The following LDLRAD4 variants were observed in gnomAD, a reference collection of about 807,000 sequenced individuals.
The protein encoded by LDLRAD4 is low-density lipoprotein receptor class A domain-containing protein 4.
LDLRAD4 carries 5 observed loss-of-function variants against 17.0 expected under a neutral mutation model. The observed-to-expected ratio is 0.29, with a 90% CI of 0.15 to 0.62. The LOEUF is 0.62. Among genes scored for constraint, LDLRAD4 ranks in the 20% least tolerant of loss-of-function variants. The pLI, the probability that LDLRAD4 is intolerant of heterozygous loss-of-function variation, is 0.84. For missense variants in LDLRAD4, 340 were observed against 424.7 expected (o/e 0.80, Z 1.75); for synonymous variants, 168 against 171.8 (o/e 0.98, Z 0.17).
chr18:13,614,172 G>C (rs1222562497), intron 3 of LDLRAD4: 1 of 152,220 alleles, frequency 6.6e-6, no homozygotes, highest in African/African-American at 2.4e-5. Flanking sequence ...TCTAAATGGG[G>C]AATGCCAACT....
chr18:13,477,820 C>T (rs1404488263), intron 3 of LDLRAD4, among the ~76,000 whole-genome samples: 1 of 152,162 alleles, frequency 6.6e-6, no homozygotes, highest in East Asian at 1.9e-4. Flanking sequence ...GACAGGCAGT[C>T]AAGGGCATCC....
chr18:13,261,776 C>G (rs2043828661), intron 1 of LDLRAD4, among the ~76,000 whole-genome samples: 1 of 152,036 alleles, frequency 6.6e-6, no homozygotes, highest in Non-Finnish European at 1.5e-5. Context: ...CGGCTGCAGG[C>G]AGCATGCCAC....
At chr18:13,522,471 T>C (rs959620413) in intron 3 of LDLRAD4, 7 of 152,080 alleles carry the variant, frequency 4.6e-5, no homozygotes, top group Non-Finnish European at 1.0e-4. Context: ...AGTCTGCATA[T>C]CTCGTATCTG....
intron 1 of LDLRAD4, among the ~76,000 whole-genome samples, chr18:13,288,043 T>C (rs188442582): frequency 6.6e-6 from 1 of 152,326 alleles, no homozygotes; most frequent in Admixed American, 6.5e-5. Context: ...AAGTGATCAC[T>C]CTATTCCGTG....
rs569203278 is a variant in LDLRAD4 at position 13,580,557 on chromosome 18, C to A, written c.182-40560C>A. ...CAGTTTGAATGGCAATGAGAACGTC[C>A]CACCTCAGCCATCTGCAGGACTCTG... On this transcript the variant is annotated intron_variant, in intron 3 of 5. Coordinates refer to ENST00000359446, the Ensembl canonical transcript of LDLRAD4. Among the ~76,000 whole-genome samples, 5 of 152,254 alleles carry A rather than the reference C, an allele frequency of 3.3e-5. No homozygotes were observed. In the East Asian group the frequency reaches 7.7e-4, roughly 24 times the overall value.
At chr18:13,509,847 G>A (rs7234676) in intron 3 of LDLRAD4, among the ~76,000 whole-genome samples, 57,399 of 152,046 alleles carry the variant, frequency 0.38, 11,903 homozygotes, top group Middle Eastern at 0.56. Context: ...TTCAGCAGCC[G>A]TCAACATTGA....
intron 3 of LDLRAD4, among the ~76,000 whole-genome samples, chr18:13,461,901 T>A (rs1206389930): frequency 6.6e-6 from 1 of 152,218 alleles, no homozygotes; most frequent in Non-Finnish European, 1.5e-5. Context: ...ATTTTTCATC[T>A]GCCACACAGA....
chr18:13,321,250 C>A (rs74741533), intron 1 of LDLRAD4, among the ~76,000 whole-genome samples: 1 of 152,214 alleles, frequency 6.6e-6, no homozygotes, highest in South Asian at 2.1e-4. Flanking sequence ...CCCCCAGAGG[C>A]CTATGCGCGG....
At chr18:13,223,214 A>G (rs1175249529) in intron 1 of LDLRAD4, among the ~76,000 whole-genome samples, 2 of 152,082 alleles carry the variant, frequency 1.3e-5, no homozygotes, top group Non-Finnish European at 2.9e-5. Flanking sequence ...GCGTTAAGGT[A>G]GGGAAGGGGG....
intron 1 of LDLRAD4, chr18:13,279,494 T>G (rs11080641): frequency 6.6e-6 from 1 of 152,224 alleles, no homozygotes; most frequent in East Asian, 1.9e-4. Flanking sequence ...TGTCTTCAAG[T>G]AGAATTTTAC....
chr18:13,421,793 A>G (rs905165098), intron 2 of LDLRAD4, among the ~76,000 whole-genome samples: 1 of 152,210 alleles, frequency 6.6e-6, no homozygotes, highest in Non-Finnish European at 1.5e-5. Context: ...GTATTCCTAC[A>G]AACTGGGTCC....
At chr18:13,434,248 G>GTTTTTTTTT in intron 2 of LDLRAD4, among the ~76,000 whole-genome samples, 1 of 147,262 alleles carries the variant, frequency 6.8e-6, no homozygotes. Flanking sequence ...TTTCTCCTAA[G>GTTTTTTTTT]TTTTTTTTTT....
intron 1 of LDLRAD4, among the ~76,000 whole-genome samples, chr18:13,220,071 T>C (rs1280632055): frequency 2.0e-5 from 3 of 152,238 alleles, no homozygotes; most frequent in Non-Finnish European, 2.9e-5. Context: ...TGAATTATAT[T>C]TGGTTTCCCA....
chr18:13,430,475 A>G (rs2090257294), intron 2 of LDLRAD4, among the ~76,000 whole-genome samples: 1 of 151,928 alleles, frequency 6.6e-6, no homozygotes, highest in African/African-American at 2.4e-5. Flanking sequence ...AGCAAGGCAT[A>G]CAAGGCTCTT....
intron 3 of LDLRAD4, among the ~76,000 whole-genome samples, chr18:13,482,243 T>C (rs1266063934): frequency 1.3e-5 from 2 of 152,108 alleles, no homozygotes; most frequent in Admixed American, 1.3e-4. Context: ...GACGGTTGCC[T>C]CTGAACCCGC....
At position 13,228,393 on chromosome 18, in the gene LDLRAD4, T is replaced by G. The variant is rs148435228; in HGVS notation, c.-467+9405T>G. ...ATTGACCCAGAGGGCTTTGGGTGCC[T>G]GACAAATCCACCTTGTGTTTGTTAC... On this transcript the variant is annotated intron_variant, in intron 1 of 5. Transcript: ENST00000399848. Among the ~76,000 whole-genome samples, 462 of 152,242 alleles carry G rather than the reference T, an allele frequency of 3.0e-3. 3 individuals carry two copies. The highest frequency in any genetic ancestry group is 0.01 in the African/African-American group (434 of 41,538).
intron 3 of LDLRAD4, among the ~76,000 whole-genome samples, chr18:13,570,176 A>G (rs1046274926): frequency 4.6e-5 from 7 of 152,182 alleles, no homozygotes; most frequent in Admixed American, 2.0e-4. Context: ...TTGCTCCCTA[A>G]CACTTGTGAG....
rs183703670 is a variant in LDLRAD4, at chr18:13,371,405, C to T, written c.-382-15936C>T. On this transcript the variant is annotated intron_variant, in intron 1 of 5. Transcript: ENST00000359446. ...CCCTTGCCGCCGCGTTGCTGTGAAC[C>T]GTTGTACTCCCTAGCATAAACCCTG... Among the ~76,000 whole-genome samples, 16 of 152,298 alleles carry T rather than the reference C, an allele frequency of 1.1e-4. No homozygotes were observed. In the East Asian group the frequency reaches 2.9e-3, roughly 28 times the overall value.
upstream of LDLRAD4, among the ~76,000 whole-genome samples, chr18:13,276,128 C>A (rs1048512448): frequency 6.6e-6 from 1 of 152,108 alleles, no homozygotes; most frequent in Admixed American, 6.5e-5. Flanking sequence ...CATGCCTCAG[C>A]CTCCCGAGTA....
Sources: gnomAD v4.1 joint callset for allele counts (sites outside exome capture counted in the v4.1 genomes callset) on GRCh38, gnomAD v4.1.1 for gene constraint, MANE v1.5 for transcripts, NCBI Gene and HGNC (gene_info 2026-07-23, HGNC 2026-07-21) for gene names.